The following EFCAB8 variants were observed in gnomAD, a reference collection of about 807,000 sequenced individuals.
EFCAB8 encodes EF-hand calcium-binding domain-containing protein 8.
EFCAB8 carries 100 observed loss-of-function variants against 116.3 expected under a neutral mutation model. The ratio of observed to expected loss-of-function variants is 0.86; its 90% CI spans 0.73 to 1.02. The LOEUF is 1.02. Ranked by LOEUF, EFCAB8 falls within the 50% of genes least tolerant of loss-of-function variation. The pLI, the probability that EFCAB8 is intolerant of heterozygous loss-of-function variation, is 0.00. For missense variants in EFCAB8, 1,320 were observed against 1,416.9 expected (o/e 0.93, Z 1.10); for synonymous variants, 558 against 567.9 (o/e 0.98, Z 0.25).
intron 23 of EFCAB8, among the ~76,000 whole-genome samples, chr20:32,957,831 C>T (rs1989019909): frequency 6.6e-6 from 1 of 151,402 alleles, no homozygotes. Flanking sequence ...AAGACTTGTC[C>T]CTTTCTGTCA....
chr20:32,956,743 T>A (rs1988976279), intron 23 of EFCAB8, among the ~76,000 whole-genome samples: 1 of 152,176 alleles, frequency 6.6e-6, no homozygotes, highest in Non-Finnish European at 1.5e-5. Flanking sequence ...TAAGTGTGGT[T>A]TTGTTTGTAT....
At position 32,920,088 on chromosome 20, in the gene EFCAB8, G is replaced by A. The variant is rs1987376444; in HGVS notation, c.2285G>A (p.Ser762Asn). 6.4e-7 allele frequency: 1 copy of A among 1,551,696 alleles called. No individual in the cohort carries two copies. The highest frequency in any genetic ancestry group is 8.7e-7 in the Non-Finnish European group (1 of 1,146,994). Residue 762 changes from serine to asparagine, a missense_variant, in exon 20 of 27, where the codon AGT (serine) becomes AAT (asparagine). Coordinates refer to ENST00000400522, the MANE Select transcript of EFCAB8 (RefSeq NM_001143967.2). ...CATCTTTCTTTCCAGAAACCTTCCAGTGCTTCTGGCACATCCAGGCAGTCA... is the reference window on the plus strand; with the variant it reads ...CATCTTTCTTTCCAGAAACCTTCCAATGCTTCTGGCACATCCAGGCAGTCA... ...DRPVPQQKPS[S>N]ASGTSRQSSK... is the part of the protein sequence containing the mutation.
Position 32,918,667 on chromosome 20 carries a change from A to G in EFCAB8, c.2274+93A>G, listed in dbSNP as rs960264554. ...TGTGTGTGTTTTCTTATTGGGATGT[A>G]CTTTTTCCAAAGTGCCTTTAGGTCC... On this transcript the variant is annotated intron_variant, in intron 19 of 26. Coordinates refer to ENST00000400522, the MANE Select transcript of EFCAB8 (RefSeq NM_001143967.2). 14 of 1,314,732 alleles carry G rather than the reference A, an allele frequency of 1.1e-5. No individual in the cohort carries two copies. The South Asian group carries it at 1.3e-4, about 12-fold the overall frequency. The allele number at this position is 1,314,732 out of a possible 1,614,324, so 81.4% of individuals were successfully genotyped here. A position where few individuals can be genotyped will look rare whatever the true frequency, so the allele number is the denominator to read the frequency against.
chr20:32,912,175 G>A (rs551981623), intron 16 of EFCAB8, among the ~76,000 whole-genome samples: 9 of 152,114 alleles, frequency 5.9e-5, no homozygotes, highest in East Asian at 1.9e-4. Context: ...AGTGGCTCAC[G>A]CCTGTAATCT....
At chr20:32,900,859 T>C (rs189778703) in intron 11 of EFCAB8, among the ~76,000 whole-genome samples, 11 of 151,020 alleles carry the variant, frequency 7.3e-5, no homozygotes, top group East Asian at 1.9e-4. Flanking sequence ...TGAGCCACCA[T>C]GCCCGGCTTA....
intron 20 of EFCAB8, among the ~76,000 whole-genome samples, chr20:32,924,481 A>G (rs888894151): frequency 1.6e-4 from 25 of 152,218 alleles, no homozygotes; most frequent in African/African-American, 6.0e-4. Flanking sequence ...TGTGAAAAGA[A>G]TGTTTAATAC....
chr20:32,869,872 C>A (rs1232264490), intron 3 of EFCAB8, among the ~76,000 whole-genome samples: 1 of 152,186 alleles, frequency 6.6e-6, no homozygotes, highest in African/African-American at 2.4e-5. Flanking sequence ...GCAGTTGTTT[C>A]ACTGGCTAAG....
chr20:32,872,482 G>A (rs1984730217), intron 3 of EFCAB8, among the ~76,000 whole-genome samples: 1 of 152,092 alleles, frequency 6.6e-6, no homozygotes, highest in Admixed American at 6.5e-5. Context: ...GGAGATAGAA[G>A]ACAGACAGAC....
At chr20:32,960,667 C>T (rs1047572200) in intron 26 of EFCAB8, among the ~76,000 whole-genome samples, 3 of 152,210 alleles carry the variant, frequency 2.0e-5, no homozygotes, top group African/African-American at 4.8e-5. Context: ...CCAGCCTCCC[C>T]GTCCTTGTCT....
At chr20:32,902,731 G>T (rs1568919738) in intron 11 of EFCAB8, among the ~76,000 whole-genome samples, 1 of 152,206 alleles carries the variant, frequency 6.6e-6, no homozygotes, top group Admixed American at 6.5e-5. Flanking sequence ...ATCCTCTGCG[G>T]GTGGGGCCTG....
At chr20:32,936,664 G>A (rs139546356) in intron 22 of EFCAB8, among the ~76,000 whole-genome samples, 334 of 152,230 alleles carry the variant, frequency 2.2e-3, no homozygotes, top group Non-Finnish European at 2.9e-3. Context: ...TGTTACATTA[G>A]TCGATGTGTC....
At chr20:32,911,164 C>T (rs116372875) in intron 15 of EFCAB8, among the ~76,000 whole-genome samples, 2,272 of 152,034 alleles carry the variant, frequency 0.015, 62 homozygotes, top group African/African-American at 0.052. Flanking sequence ...ATTTTTTTGA[C>T]GGGGTGGTCA....
chr20:32,927,322 G>A (rs1172247498), intron 20 of EFCAB8, among the ~76,000 whole-genome samples: 1 of 151,938 alleles, frequency 6.6e-6, no homozygotes, highest in Non-Finnish European at 1.5e-5. Context: ...GATTCACCAT[G>A]ATTTGTTTAT....
rs1989151850 is a variant in EFCAB8, at chr20:32,961,493, A to G, written c.3751A>G (p.Thr1251Ala). ...PSVPSPVSKS[T>A]LQGSVTPKHI... ...GGTCCCATCCCCGGTGTCCAAGTCC[A>G]CCCTGCAGGGGTCAGTGACCCCCAA... The change falls in exon 27 of 27, where the codon ACC (threonine) becomes GCC (alanine). Residue 1251 changes from threonine to alanine, a missense_variant. By Grantham distance (58) the Thr-to-Ala change is moderately conservative. Transcript: ENST00000400522. 1.4e-6 allele frequency: 2 copies of G among 1,445,022 alleles called. No homozygotes were observed. Among genetic ancestry groups the G allele is most frequent in the African/African-American group, 2.9e-5 (2 of 69,562 alleles). The allele number at this position is 1,445,022 out of a possible 1,614,324, so 89.5% of individuals were successfully genotyped here. A position where few individuals can be genotyped will look rare whatever the true frequency, so the allele number is the denominator to read the frequency against.
rs1259465783 is a variant in EFCAB8, at chr20:32,867,618, G to A, written c.79G>A (p.Ala27Thr). 3.9e-6 allele frequency: 6 copies of A among 1,551,648 alleles called. No homozygotes were observed. Among genetic ancestry groups the A allele is most frequent in the Non-Finnish European group, 5.2e-6 (6 of 1,146,988 alleles). Residue 27 changes from alanine (A) to threonine (T), a missense_variant, in exon 3 of 27, where the codon GCT becomes ACT. By Grantham distance (58) the Ala-to-Thr change is moderately conservative. Coordinates refer to ENST00000400522, the MANE Select transcript of EFCAB8 (RefSeq NM_001143967.2). ...IPHGFQNKEAASSPTPSITLS... is the reference protein window; with the variant it reads ...IPHGFQNKEATSSPTPSITLS... Reference sequence around the variant, plus strand: ...ACATGGCTTCCAGAACAAGGAGGCTGCTAGCTCCCCAACACCATCCATCAC... The same window carrying A: ...ACATGGCTTCCAGAACAAGGAGGCTACTAGCTCCCCAACACCATCCATCAC...
chr20:32,958,711 T>G (rs908983156), intron 24 of EFCAB8, among the ~76,000 whole-genome samples, 161 bp downstream of exon 24: 4 of 152,096 alleles, frequency 2.6e-5, no homozygotes, highest in Non-Finnish European at 4.4e-5. Context: ...GCAGCTCTAC[T>G]CCACAGTGGC....
chr20:32,925,092 T>G (rs749912122), intron 20 of EFCAB8, among the ~76,000 whole-genome samples: 3 of 152,198 alleles, frequency 2.0e-5, no homozygotes, highest in Non-Finnish European at 4.4e-5. Context: ...CTGTTGGGTC[T>G]TCCTTCCCAT....
intron 17 of EFCAB8, among the ~76,000 whole-genome samples, chr20:32,915,439 G>A (rs537543737): frequency 7.2e-5 from 11 of 152,216 alleles, no homozygotes; most frequent in Non-Finnish European, 1.0e-4. Context: ...TCTAGTTTCC[G>A]ATAACATGTT....
At chr20:32,894,079 G>A (rs1433802956) in intron 9 of EFCAB8, among the ~76,000 whole-genome samples, 1 of 152,188 alleles carries the variant, frequency 6.6e-6, no homozygotes, top group Non-Finnish European at 1.5e-5. Flanking sequence ...CAGAGGATAC[G>A]GCTCAGGGCC....
Sources: allele counts gnomAD v4.1 joint callset (sites outside exome capture counted in the v4.1 genomes callset), GRCh38; gene constraint gnomAD v4.1.1; transcripts MANE v1.5; gene names NCBI Gene and HGNC (gene_info 2026-07-23, HGNC 2026-07-21).